LDLRAD3: variants seen among roughly 807,000 people sequenced by gnomAD.
LDLRAD3 encodes the protein low-density lipoprotein receptor class A domain-containing protein 3.
LDLRAD3 carries 20 observed loss-of-function variants against 29.4 expected under a neutral mutation model. That is an observed-to-expected ratio of 0.68 (90% CI 0.48 to 0.99). The LOEUF is 0.99. Among genes scored for constraint, LDLRAD3 ranks in the 50% least tolerant of loss-of-function variants. The pLI is 0.00. For synonymous variants in LDLRAD3, 157 were observed against 192.7 expected, an observed-to-expected ratio of 0.81 and a Z score of 1.53; for missense variants, 420 against 454.3, an observed-to-expected ratio of 0.92 and a Z score of 0.69.
At chr11:36,124,637 ATCT>A (rs1340348032) in intron 4 of LDLRAD3, among the ~76,000 whole-genome samples, 1 of 150,956 alleles carries the variant, frequency 6.6e-6, no homozygotes, top group Non-Finnish European at 1.5e-5. Flanking sequence ...CTTCAAGCAC[ATCT>A]TCTCCTGGTA....
chr11:36,231,402 A>G lies in LDLRAD3; in HGVS notation c.*2005A>G, dbSNP rs190114779. The G allele has an allele frequency of 6.6e-6, 1 of 152,288 alleles. No individual in the cohort carries two copies. The highest frequency in any genetic ancestry group is 2.4e-5 in the African/African-American group (1 of 41,568). 9.4% of individuals were successfully genotyped at this position (152,288 alleles called of 1,614,324 possible). A position where few individuals can be genotyped will look rare whatever the true frequency, so the allele number is the denominator to read the frequency against. On this transcript the variant is annotated 3_prime_UTR_variant, in exon 6 of 6. Coordinates refer to ENST00000315571, the MANE Select transcript of LDLRAD3 (RefSeq NM_174902.4). ...TATTTTCTGAGTAATCCAATAAAGA[A>G]CTTTTGATGACAGCCAGAATGTGTT...
intron 4 of LDLRAD3, among the ~76,000 whole-genome samples, chr11:36,174,900 T>A (rs572790238): frequency 6.6e-6 from 1 of 152,184 alleles, no homozygotes; most frequent in East Asian, 1.9e-4. Flanking sequence ...GAGAATGGCA[T>A]GAACCCAGGA....
At chr11:36,170,013 C>T (rs1001834665) in intron 4 of LDLRAD3, among the ~76,000 whole-genome samples, 19 of 152,156 alleles carry the variant, frequency 1.2e-4, no homozygotes, top group Admixed American at 3.3e-4. Flanking sequence ...TTATCCCTCA[C>T]CCTCCTCCCA....
At chr11:36,088,786 T>G (rs1853233375) in intron 3 of LDLRAD3, among the ~76,000 whole-genome samples, 1 of 152,204 alleles carries the variant, frequency 6.6e-6, no homozygotes, top group South Asian at 2.1e-4. Context: ...CTGGTTTCCT[T>G]TGGAAATCTT....
chr11:36,106,395 T>C (rs1738678206), intron 4 of LDLRAD3, among the ~76,000 whole-genome samples: 1 of 152,248 alleles, frequency 6.6e-6, no homozygotes, highest in Non-Finnish European at 1.5e-5. Flanking sequence ...GGAGTTCTAA[T>C]GCCTAAGTTA....
intron 1 of LDLRAD3, among the ~76,000 whole-genome samples, chr11:36,024,725 C>T (rs185271179): frequency 1.2e-3 from 183 of 152,316 alleles, no homozygotes; most frequent in Non-Finnish European, 2.2e-3. Context: ...TTGCAAAAGC[C>T]AGGGGGCCCT....
chr11:36,185,412 G>A lies in LDLRAD3; in HGVS notation c.455-41673G>A, dbSNP rs533948076. 1.2e-4 allele frequency among the ~76,000 whole-genome samples: 18 copies of A among 152,350 alleles called. 1 individual carries two copies. In the South Asian group the frequency reaches 3.7e-3, roughly 32 times the overall value. Reference sequence around the variant, plus strand: ...TTAGATGCTGAGAATTTAGGGTATAGGAACCACAGCTGTTCAGATGAACTT... The same window carrying A: ...TTAGATGCTGAGAATTTAGGGTATAAGAACCACAGCTGTTCAGATGAACTT... On this transcript the variant is annotated intron_variant, in intron 4 of 5. Coordinates refer to ENST00000315571, the MANE Select transcript of LDLRAD3 (RefSeq NM_174902.4).
chr11:36,098,254 C>G (rs1334436627), intron 3 of LDLRAD3, 73 bp from the exon 4 acceptor site: 1 of 1,570,548 alleles, frequency 6.4e-7, no homozygotes, highest in Admixed American at 1.7e-5. Context: ...ACACGCCAGG[C>G]TGGAAGAAGT....
At chr11:36,137,436 T>C (rs1328106086) in intron 4 of LDLRAD3, among the ~76,000 whole-genome samples, 1 of 152,244 alleles carries the variant, frequency 6.6e-6, no homozygotes, top group Non-Finnish European at 1.5e-5. Flanking sequence ...TAGCAGATCC[T>C]CTGCAATTTG....
chr11:36,214,844 C>T (rs1485560643), intron 4 of LDLRAD3, among the ~76,000 whole-genome samples: 1 of 152,222 alleles, frequency 6.6e-6, no homozygotes, highest in Non-Finnish European at 1.5e-5. Context: ...CACAGGGCCA[C>T]AGAGTTAGAG....
At chr11:36,039,290 T>A (rs1186108561) in intron 2 of LDLRAD3, among the ~76,000 whole-genome samples, 1 of 152,160 alleles carries the variant, frequency 6.6e-6, no homozygotes, top group Non-Finnish European at 1.5e-5. Flanking sequence ...ATATATTCCC[T>A]TTCAGCCTAG....
At chr11:35,998,922 C>T (rs1008098457) in intron 1 of LDLRAD3, among the ~76,000 whole-genome samples, 3 of 152,152 alleles carry the variant, frequency 2.0e-5, no homozygotes, top group Admixed American at 6.5e-5. Flanking sequence ...CTGGGAGAGT[C>T]GTTCAGGCAG....
chr11:36,182,644 G>A (rs12808224), intron 4 of LDLRAD3, among the ~76,000 whole-genome samples: 5,990 of 152,240 alleles, frequency 0.039, 391 homozygotes, highest in African/African-American at 0.13. Context: ...GGTATCTGAA[G>A]TTCCACAAGC....
intron 1 of LDLRAD3, among the ~76,000 whole-genome samples, chr11:35,997,991 G>T (rs1208162703): frequency 1.3e-5 from 2 of 152,196 alleles, no homozygotes; most frequent in Non-Finnish European, 2.9e-5. Flanking sequence ...TTTTCAGATT[G>T]GACGGTCTTC....
At chr11:36,198,575 C>A (rs1917901) in intron 4 of LDLRAD3, among the ~76,000 whole-genome samples, 5 of 152,116 alleles carry the variant, frequency 3.3e-5, no homozygotes, top group Admixed American at 2.0e-4. Flanking sequence ...GCTTCCCCCC[C>A]ATCCCACTCC....
intron 2 of LDLRAD3, among the ~76,000 whole-genome samples, chr11:36,075,638 A>AT (rs1852986043): frequency 1.3e-5 from 2 of 152,284 alleles, no homozygotes; most frequent in East Asian, 3.9e-4. Flanking sequence ...TGTAACAGTT[A>AT]TTACAATAGT....
intron 4 of LDLRAD3, among the ~76,000 whole-genome samples, chr11:36,146,769 T>C (rs1271014215): frequency 2.0e-5 from 3 of 151,178 alleles, no homozygotes; most frequent in African/African-American, 7.4e-5. Flanking sequence ...CAAATTTCCC[T>C]CTACTTTATT....
At chr11:36,172,625 C>T (rs1240217578) in intron 4 of LDLRAD3, among the ~76,000 whole-genome samples, 2 of 152,068 alleles carry the variant, frequency 1.3e-5, no homozygotes, top group African/African-American at 2.4e-5. Context: ...TGATGTATCA[C>T]ATTTCTTGAC....
intron 4 of LDLRAD3, among the ~76,000 whole-genome samples, chr11:36,176,799 AT>A (rs1161471158): frequency 6.6e-6 from 1 of 152,138 alleles, no homozygotes; most frequent in East Asian, 1.9e-4. Flanking sequence ...CTAGGTGATT[AT>A]CTTTTTGTGA....
Sources: gnomAD v4.1 joint callset for allele counts (sites outside exome capture counted in the v4.1 genomes callset) on GRCh38, gnomAD v4.1.1 for gene constraint, MANE v1.5 for transcripts, NCBI Gene and HGNC (gene_info 2026-07-23, HGNC 2026-07-21) for gene names.